Variants in NR6A1 observed in about 807,000 individuals in gnomAD.
The protein encoded by NR6A1 is retinoic acid receptor-related testis-associated receptor.
Under a neutral mutation model 59.1 loss-of-function variants are expected in NR6A1, and 7 were observed. The observed-to-expected ratio is 0.12, with a 90% confidence interval of 0.07 to 0.22. NR6A1 has a LOEUF of 0.22. Among genes scored for constraint, NR6A1 ranks in the 10% least tolerant of loss-of-function variants. The pLI, the probability that NR6A1 is intolerant of heterozygous loss-of-function variation, is 1.00. For synonymous variants in NR6A1, 243 were observed against 236.1 expected (o/e 1.03, Z -0.27); for missense variants, 468 against 611.6 (o/e 0.77, Z 2.48).
intron 2 of NR6A1, among the ~76,000 whole-genome samples, chr9:124,719,702 T>G (rs1839507535): frequency 6.6e-6 from 1 of 152,058 alleles, no homozygotes; most frequent in Admixed American, 6.6e-5. Flanking sequence ...GCGGATTGCT[T>G]GAGTCTAGGA....
chr9:124,531,135 T>C (rs1363839508), intron 7 of NR6A1, among the ~76,000 whole-genome samples: 1 of 152,204 alleles, frequency 6.6e-6, no homozygotes, highest in Non-Finnish European at 1.5e-5. Flanking sequence ...TCCTGAGCCT[T>C]ATAGTTAGGC....
chr9:124,682,509 T>C (rs1838198097), intron 2 of NR6A1, among the ~76,000 whole-genome samples: 1 of 152,208 alleles, frequency 6.6e-6, no homozygotes, highest in African/African-American at 2.4e-5. Flanking sequence ...AGTCAGACAT[T>C]AAAGAGATCT....
intron 2 of NR6A1, among the ~76,000 whole-genome samples, chr9:124,699,299 G>A (rs1838862803): frequency 6.6e-6 from 1 of 152,150 alleles, no homozygotes; most frequent in Non-Finnish European, 1.5e-5. Flanking sequence ...CAAGATGTCT[G>A]GATAAAGTTA....
chr9:124,758,548 G>A lies in NR6A1; in HGVS notation c.100+12472C>T, dbSNP rs77353597. On this transcript the variant is annotated intron_variant, in intron 1 of 9. Coordinates refer to ENST00000487099, the MANE Select transcript of NR6A1 (RefSeq NM_033334.4). ...AAAAGAGAAAGTGTGGCATGGAGGG[G>A]TTATAAATGAAAAAAGTGATCTTGT... Among the ~76,000 whole-genome samples, 462 of 152,264 alleles carry A rather than the reference G, an allele frequency of 3.0e-3. 2 individuals carry two copies. The highest frequency in any genetic ancestry group is 0.011 in the African/African-American group (443 of 41,538).
At chr9:124,670,982 A>G (rs1270457083) in intron 2 of NR6A1, among the ~76,000 whole-genome samples, 1 of 152,228 alleles carries the variant, frequency 6.6e-6, no homozygotes, top group East Asian at 1.9e-4. Context: ...ACATAAGTGA[A>G]TTTTGAGGAC....
chr9:124,727,168 A>C (rs149622269), intron 2 of NR6A1, among the ~76,000 whole-genome samples: 40 of 152,320 alleles, frequency 2.6e-4, no homozygotes, highest in Non-Finnish European at 4.4e-4. Context: ...TTGCACTGCA[A>C]AACTACAACA....
intron 2 of NR6A1, among the ~76,000 whole-genome samples, chr9:124,621,979 C>T (rs1246302482): frequency 2.0e-5 from 3 of 152,002 alleles, no homozygotes; most frequent in African/African-American, 7.3e-5. Context: ...TTTGAGAGGC[C>T]GAGGCGGGCT....
At chr9:124,724,622 A>G (rs1239518527) in intron 2 of NR6A1, among the ~76,000 whole-genome samples, 3 of 152,226 alleles carry the variant, frequency 2.0e-5, no homozygotes, top group Non-Finnish European at 4.4e-5. Context: ...TCTCAGTGTA[A>G]TTACTTGTAG....
chr9:124,718,283 G>A (rs894956643), intron 2 of NR6A1, among the ~76,000 whole-genome samples: 1 of 152,204 alleles, frequency 6.6e-6, no homozygotes, highest in Non-Finnish European at 1.5e-5. Context: ...TATCAATAGT[G>A]CTGGCTCAAG....
intron 2 of NR6A1, among the ~76,000 whole-genome samples, chr9:124,567,536 A>T (rs1194843600): frequency 6.6e-6 from 1 of 152,146 alleles, no homozygotes; most frequent in Non-Finnish European, 1.5e-5. Flanking sequence ...AGGCAGGAGC[A>T]GGAGGATAGC....
intron 2 of NR6A1, chr9:124,692,571 T>C (rs779316379): frequency 1.6e-4 from 78 of 482,598 alleles, no homozygotes; most frequent in Non-Finnish European, 2.9e-4. Flanking sequence ...CTACATTTCC[T>C]GAAGCAAAAG....
chr9:124,726,517 G>A (rs1021373862), intron 2 of NR6A1, among the ~76,000 whole-genome samples: 5 of 152,152 alleles, frequency 3.3e-5, no homozygotes, highest in African/African-American at 4.8e-5. Flanking sequence ...AAGCTACATC[G>A]GCCACATTTC....
At chr9:124,732,606 T>C in intron 2 of NR6A1, among the ~76,000 whole-genome samples, 1 of 152,166 alleles carries the variant, frequency 6.6e-6, no homozygotes, top group East Asian at 1.9e-4. Context: ...CTAAGCAAAA[T>C]GCTTCTTTTA....
At chr9:124,718,805 T>C (rs1235268220) in intron 2 of NR6A1, among the ~76,000 whole-genome samples, 4 of 3,054 alleles carry the variant, frequency 1.3e-3, no homozygotes, top group Admixed American at 0.014. Context: ...ATTGTTACCT[T>C]TTTTTTTTTT....
intron 2 of NR6A1, among the ~76,000 whole-genome samples, chr9:124,710,063 C>G (rs1839231894): frequency 6.6e-6 from 1 of 151,958 alleles, no homozygotes; most frequent in African/African-American, 2.4e-5. Flanking sequence ...ATCACTCAAT[C>G]CCATAATTAA....
intron 2 of NR6A1, among the ~76,000 whole-genome samples, chr9:124,572,966 T>G (rs1834483425): frequency 6.6e-6 from 1 of 152,228 alleles, no homozygotes; most frequent in South Asian, 2.1e-4. Flanking sequence ...TTAGGAAGAT[T>G]AACTGTGCAA....
Position 124,635,500 on chromosome 9 carries a change from C to T in NR6A1, c.143-80930G>A, listed in dbSNP as rs577093098. ...TGTGAAGAGATGCCTTCCACCATGA[C>T]TGTAAGCTTCCTGTGGCCTCCCCAC... On this transcript the variant is annotated intron_variant, in intron 2 of 9. Transcript: ENST00000487099. Among the ~76,000 whole-genome samples, 91 of 152,360 alleles carry T rather than the reference C, an allele frequency of 6.0e-4. 1 individual carries two copies. In the South Asian group the frequency reaches 0.018, roughly 30 times the overall value.
chr9:124,770,412 C>G (rs1249779685), intron 1 of NR6A1: 2 of 152,248 alleles, frequency 1.3e-5, no homozygotes, highest in African/African-American at 2.4e-5. Context: ...TCGTAGTATT[C>G]AAGGAAGAAC....
At chr9:124,759,145 ATC>A (rs148401985) in intron 1 of NR6A1, among the ~76,000 whole-genome samples, 1,550 of 152,246 alleles carry the variant, frequency 0.01, 26 homozygotes, top group African/African-American at 0.034. Flanking sequence ...CTTTCTCACT[ATC>A]TCTCTTTTCA....
Sources: allele counts gnomAD v4.1 joint callset (sites outside exome capture counted in the v4.1 genomes callset), GRCh38; gene constraint gnomAD v4.1.1; transcripts MANE v1.5; gene names NCBI Gene and HGNC (gene_info 2026-07-23, HGNC 2026-07-21).